The following TLCD4 variants were observed in gnomAD, a reference collection of about 807,000 sequenced individuals.
The protein encoded by TLCD4 is TLC domain-containing protein 4.
In TLCD4, 7 loss-of-function variants were observed where a neutral mutation model predicts 24.2. The ratio of observed to expected loss-of-function variants is 0.29; its 90% CI spans 0.16 to 0.54. TLCD4 has a LOEUF of 0.54. Among genes scored for constraint, TLCD4 ranks in the 20% least tolerant of loss-of-function variants. The probability of loss-of-function intolerance (pLI) is 0.95; values close to 1 mark genes in which losing one functional copy is unlikely to be tolerated. For missense variants in TLCD4, 259 were observed against 313.9 expected (o/e 0.82, Z 1.32); for synonymous variants, 103 against 106.4 (o/e 0.97, Z 0.20).
intron 1 of TLCD4, among the ~76,000 whole-genome samples, chr1:95,118,894 C>T (rs1053502407): frequency 3.3e-5 from 5 of 152,278 alleles, no homozygotes; most frequent in Admixed American, 3.3e-4. Flanking sequence ...TGCCACGCCC[C>T]TCCTGTGCCA....
intron 1 of TLCD4, among the ~76,000 whole-genome samples, chr1:95,137,761 G>A (rs532081205): frequency 6.2e-4 from 87 of 141,298 alleles, no homozygotes; most frequent in Non-Finnish European, 7.8e-4. Flanking sequence ...CTGAAACAGC[G>A]TCTTGCACGG....
chr1:95,117,534 G>C lies in TLCD4; in HGVS notation c.-95G>C, dbSNP rs6665493. 0.99 allele frequency: 150,433 copies of C among 152,238 alleles called. 74,350 individuals carry two copies. The highest frequency in any genetic ancestry group is 1 in the Middle Eastern group (294 of 294). 9.4% of individuals were successfully genotyped at this position (152,238 alleles called of 1,614,324 possible). On this transcript the variant is annotated 5_prime_UTR_variant, in exon 1 of 7. Transcript: ENST00000370203. ...CCAGCCCTCGGGCCGGCCCGGATGAGCAGACTCCTGTAGACACCCGCCGCC... is the reference window on the plus strand; with the variant it reads ...CCAGCCCTCGGGCCGGCCCGGATGACCAGACTCCTGTAGACACCCGCCGCC...
intron 1 of TLCD4, chr1:95,140,545 C>A (rs546415749): frequency 3.9e-4 from 60 of 152,272 alleles, no homozygotes; most frequent in African/African-American, 1.2e-3. Flanking sequence ...TTTCATTCAA[C>A]AGGTCTCTGG....
chr1:95,191,472 A>C, intron 6 of TLCD4, 78 bp from the exon 7 acceptor site: 1 of 1,508,152 alleles, frequency 6.6e-7, no homozygotes, highest in Non-Finnish European at 8.8e-7. Context: ...TGAATTTTAA[A>C]ATTTAAAAAC....
Position 95,148,779 on chromosome 1 carries a change from C to T in TLCD4, c.233C>T (p.Ala78Val), listed in dbSNP as rs751307917. Residue 78 changes from alanine (A) to valine (V), a missense_variant, in exon 3 of 7, where the codon GCT becomes GTT. Ala to Val is a moderately conservative substitution (Grantham distance 64). Coordinates refer to ENST00000370203, the MANE Select transcript of TLCD4 (RefSeq NM_152487.3). Reference sequence around the variant, plus strand: ...TTCTTATTCGATGAGGCTACTAAAGCTGATCCACTTTGGTAAGCTGTTTCT... The same window carrying T: ...TTCTTATTCGATGAGGCTACTAAAGTTGATCCACTTTGGTAAGCTGTTTCT... ...YIFLFDEATKADPLWGGPSLA... is the reference protein window; with the variant it reads ...YIFLFDEATKVDPLWGGPSLA... 6.2e-7 allele frequency: 1 copy of T among 1,613,324 alleles called. No individual in the cohort carries two copies. Among genetic ancestry groups the T allele is most frequent in the Non-Finnish European group, 8.5e-7 (1 of 1,179,660 alleles).
intron 6 of TLCD4, among the ~76,000 whole-genome samples, chr1:95,174,507 C>CAAAAAAAAAAAAA (rs141819142): frequency 1.2e-5 from 1 of 85,882 alleles, no homozygotes; most frequent in African/African-American, 5.3e-5. Context: ...CCCATCCCTA[C>CAAAAAAAAAAAAA]AAAAAAAAAA....
At chr1:95,190,254 C>T (rs779924455) in intron 6 of TLCD4, among the ~76,000 whole-genome samples, 9 of 151,982 alleles carry the variant, frequency 5.9e-5, no homozygotes, top group Non-Finnish European at 1.0e-4. Context: ...CAAGAATGCG[C>T]CACCACACCC....
In TLCD4 at chr1:95,148,791, GGTAA is replaced by G; in HGVS notation, c.245+2_245+5del. 1 of 1,610,188 alleles carries G rather than the reference GGTAA, an allele frequency of 6.2e-7. No individual in the cohort carries two copies. Among genetic ancestry groups the G allele is most frequent in the Non-Finnish European group, 8.5e-7 (1 of 1,178,788 alleles). On this transcript the variant is annotated splice_donor_variant and splice_donor_region_variant and intron_variant, in intron 3 of 6. Transcript: ENST00000370203. LOFTEE classifies it high-confidence loss of function. ...GAGGCTACTAAAGCTGATCCACTTT[GGTAA>G]GCTGTTTCTTTTTCTAAGATTGCCA...
intron 1 of TLCD4, among the ~76,000 whole-genome samples, chr1:95,132,991 A>C (rs368541573): frequency 6.6e-6 from 1 of 152,126 alleles, no homozygotes; most frequent in South Asian, 2.1e-4. Context: ...AGTGTGGTGA[A>C]GTGTCAGATG....
At chr1:95,137,324 C>A (rs1677071803) in intron 1 of TLCD4, among the ~76,000 whole-genome samples, 1 of 152,146 alleles carries the variant, frequency 6.6e-6, no homozygotes, top group Non-Finnish European at 1.5e-5. Context: ...GCATTCTTCC[C>A]AGCTTCCCCC....
intron 5 of TLCD4, among the ~76,000 whole-genome samples, chr1:95,154,938 G>A (rs557021338): frequency 2.0e-5 from 3 of 150,482 alleles, no homozygotes; most frequent in East Asian, 2.0e-4. Context: ...TATAGAACAC[G>A]GTCACGTTTT....
intron 2 of TLCD4, among the ~76,000 whole-genome samples, chr1:95,148,199 C>T (rs1219290121): frequency 6.6e-6 from 1 of 152,166 alleles, no homozygotes; most frequent in Admixed American, 6.5e-5. Flanking sequence ...ACTGAAGCCT[C>T]CCAAGATAAT....
chr1:95,133,728 T>C (rs1401769523), intron 1 of TLCD4, among the ~76,000 whole-genome samples: 1 of 151,872 alleles, frequency 6.6e-6, no homozygotes, highest in East Asian at 2.0e-4. Context: ...GGCAAATGGT[T>C]GGAGTGGAGG....
Position 95,173,896 on chromosome 1 carries a change from T to C in TLCD4, c.473+7T>C. ...GCCCGTTTGTGAATCAGCGGTATGT[T>C]ACTGATATCATTGATTATTTTAAAG... On this transcript the variant is annotated splice_region_variant and intron_variant, in intron 6 of 6. Coordinates refer to ENST00000370203, the MANE Select transcript of TLCD4 (RefSeq NM_152487.3). 1 of 1,613,752 alleles carries C rather than the reference T, an allele frequency of 6.2e-7. No individual in the cohort carries two copies. The highest frequency in any genetic ancestry group is 8.5e-7 in the Non-Finnish European group (1 of 1,179,954).
intron 6 of TLCD4, among the ~76,000 whole-genome samples, chr1:95,181,767 A>G (rs1001889985): frequency 6.6e-6 from 1 of 151,362 alleles, no homozygotes; most frequent in African/African-American, 2.4e-5. Context: ...TGGGATTACT[A>G]TGCCACCACG....
chr1:95,188,737 A>G (rs1165826538), intron 6 of TLCD4, among the ~76,000 whole-genome samples: 2 of 152,112 alleles, frequency 1.3e-5, no homozygotes, highest in Admixed American at 6.5e-5. Context: ...TTTTTTGAGC[A>G]CTTTCTTGCT....
At chr1:95,120,402 T>C (rs929429321) in intron 1 of TLCD4, 1 of 152,252 alleles carries the variant, frequency 6.6e-6, no homozygotes, top group Non-Finnish European at 1.5e-5. Flanking sequence ...GCTCTGAGGC[T>C]TGTTATTCCT....
chr1:95,131,474 A>T (rs1243000611), intron 1 of TLCD4, among the ~76,000 whole-genome samples: 1 of 152,216 alleles, frequency 6.6e-6, no homozygotes, highest in African/African-American at 2.4e-5. Context: ...TCGTAAGAGC[A>T]TTGAGAAACA....
At chr1:95,151,970 A>T (rs1237805035) in intron 5 of TLCD4, among the ~76,000 whole-genome samples, 2 of 152,112 alleles carry the variant, frequency 1.3e-5, no homozygotes, top group Non-Finnish European at 2.9e-5. Context: ...TATGTAAACT[A>T]GCAACTTTAT....
Sources: allele counts gnomAD v4.1 joint callset (sites outside exome capture counted in the v4.1 genomes callset), GRCh38; gene constraint gnomAD v4.1.1; transcripts MANE v1.5; gene names NCBI Gene and HGNC (gene_info 2026-07-23, HGNC 2026-07-21).